The following GRM7 variants were observed in gnomAD, a reference collection of about 807,000 sequenced individuals.
GRM7 encodes glutamate metabotropic receptor 7, also known as metabotropic glutamate receptor 7.
GRM7 carries 35 observed loss-of-function variants against 84.5 expected under a neutral mutation model. That is an observed-to-expected ratio of 0.41 (90% CI 0.32 to 0.55). GRM7 has a LOEUF of 0.55. Among genes scored for constraint, GRM7 ranks in the 20% least tolerant of loss-of-function variants. The pLI, the probability that GRM7 is intolerant of heterozygous loss-of-function variation, is 0.19. For synonymous variants in GRM7, 487 were observed against 455.1 expected, an observed-to-expected ratio of 1.07 and a Z score of -0.89; for missense variants, 1,003 against 1,194.6, an observed-to-expected ratio of 0.84 and a Z score of 2.36.
intron 4 of GRM7, among the ~76,000 whole-genome samples, chr3:7,374,248 A>T (rs1425648549): frequency 3.9e-5 from 6 of 152,090 alleles, no homozygotes; most frequent in African/African-American, 1.4e-4. Flanking sequence ...ATGTACATAT[A>T]TATTTTTTAT....
At chr3:7,064,985 T>G (rs1697600888) in intron 1 of GRM7, among the ~76,000 whole-genome samples, 1 of 152,022 alleles carries the variant, frequency 6.6e-6, no homozygotes, top group Non-Finnish European at 1.5e-5. Context: ...TTTGTATATC[T>G]TCTTTTGAAA....
chr3:7,586,148 A>G (rs1474489833), intron 8 of GRM7, among the ~76,000 whole-genome samples: 7 of 152,234 alleles, frequency 4.6e-5, no homozygotes, highest in Admixed American at 3.9e-4. Flanking sequence ...TAAATTGCTC[A>G]GCATACAAAC....
At chr3:7,273,059 T>C (rs760146283) in intron 2 of GRM7, among the ~76,000 whole-genome samples, 8 of 152,142 alleles carry the variant, frequency 5.3e-5, no homozygotes, top group Non-Finnish European at 7.4e-5. Flanking sequence ...TTTTCATTTA[T>C]GTCAAAATAT....
At chr3:7,242,981 T>C (rs1697617263) in intron 2 of GRM7, among the ~76,000 whole-genome samples, 1 of 152,138 alleles carries the variant, frequency 6.6e-6, no homozygotes, top group Admixed American at 6.6e-5. Context: ...GCTTTCTCCT[T>C]TTTCAAATGA....
intron 8 of GRM7, among the ~76,000 whole-genome samples, chr3:7,641,100 T>A (rs1251526343): frequency 1.3e-5 from 2 of 152,176 alleles, no homozygotes; most frequent in Non-Finnish European, 2.9e-5. Context: ...ATTTAGTTAG[T>A]GAAAGGAAAA....
At chr3:7,552,445 G>C (rs986013436) in intron 7 of GRM7, among the ~76,000 whole-genome samples, 2 of 152,210 alleles carry the variant, frequency 1.3e-5, no homozygotes, top group African/African-American at 4.8e-5. Context: ...TGGGGACTCT[G>C]TGTGGGGGCT....
chr3:7,288,594 G>A (rs1311960666), intron 2 of GRM7, among the ~76,000 whole-genome samples: 7 of 152,040 alleles, frequency 4.6e-5, no homozygotes, highest in Admixed American at 2.0e-4. Context: ...GGCATTACGT[G>A]GCAGTGTTCA....
At chr3:7,689,391 C>T (rs1700711894) in intron 9 of GRM7, among the ~76,000 whole-genome samples, 1 of 152,158 alleles carries the variant, frequency 6.6e-6, no homozygotes, top group South Asian at 2.1e-4. Context: ...CTGGAGACCA[C>T]CTCCACTTAA....
intron 2 of GRM7, among the ~76,000 whole-genome samples, chr3:7,178,750 G>A (rs1052079792): frequency 2.0e-5 from 3 of 152,010 alleles, no homozygotes; most frequent in South Asian, 4.2e-4. Flanking sequence ...AACCAGATAA[G>A]TATGTTGGGT....
intron 1 of GRM7, among the ~76,000 whole-genome samples, chr3:7,036,840 C>T (rs1357128109): frequency 2.6e-5 from 4 of 152,054 alleles, no homozygotes; most frequent in Non-Finnish European, 5.9e-5. Context: ...AACTCAGTCA[C>T]AACTTTTGAA....
intron 1 of GRM7, among the ~76,000 whole-genome samples, chr3:7,054,089 C>T (rs1697118221): frequency 6.6e-6 from 1 of 150,616 alleles, no homozygotes; most frequent in Non-Finnish European, 1.5e-5. Flanking sequence ...TAAGTATTTT[C>T]ATTTTAATTT....
At chr3:7,283,248 C>T (rs910470715) in intron 2 of GRM7, among the ~76,000 whole-genome samples, 1 of 152,194 alleles carries the variant, frequency 6.6e-6, no homozygotes, top group South Asian at 2.1e-4. Flanking sequence ...TTAACCTCCT[C>T]GTGCTTGGGT....
intron 9 of GRM7, among the ~76,000 whole-genome samples, chr3:7,697,392 G>A (rs1018912816): frequency 2.0e-5 from 3 of 152,072 alleles, no homozygotes; most frequent in African/African-American, 7.2e-5. Flanking sequence ...CTGAAGTAAG[G>A]CTCAGAGAGG....
chr3:7,286,972 G>T (rs1699453209), intron 2 of GRM7, among the ~76,000 whole-genome samples: 2 of 152,100 alleles, frequency 1.3e-5, no homozygotes, highest in Non-Finnish European at 2.9e-5. Flanking sequence ...ATAGGACTTT[G>T]GCTTTATCAG....
At chr3:7,482,661 A>G (rs1699177164) in intron 7 of GRM7, among the ~76,000 whole-genome samples, 1 of 152,228 alleles carries the variant, frequency 6.6e-6, no homozygotes, top group African/African-American at 2.4e-5. Flanking sequence ...AAGACCCTCT[A>G]TAGCAAATGT....
Position 6,861,695 on chromosome 3 carries a change from G to A in GRM7, c.307G>A (p.Ala103Thr). 6.2e-7 allele frequency: 1 copy of A among 1,614,112 alleles called. No homozygotes were observed. Among genetic ancestry groups the A allele is most frequent in the Non-Finnish European group, 8.5e-7 (1 of 1,179,990 alleles). ...PNLLPNVTLG[A>T]RILDTCSRDT... ...CCTACTGCCCAACGTGACGCTGGGC[G>A]CGCGGATCCTGGACACTTGTTCCAG... Residue 103 changes from alanine to threonine, a missense_variant, in exon 1 of 10, where the codon GCG (alanine) becomes ACG (threonine). By Grantham distance (58) the Ala-to-Thr change is moderately conservative. Around this residue, in one of 2 missense-constraint regions of GRM7, gnomAD observed 910 missense variants for 1,126.0 expected, o/e 0.81. Coordinates refer to ENST00000357716, the MANE Select transcript of GRM7 (RefSeq NM_000844.4). The surrounding 1 kb of genome is among the most constrained non-coding windows in gnomAD (Gnocchi z 6.4).
chr3:7,216,917 T>A (rs80218765), intron 2 of GRM7, among the ~76,000 whole-genome samples: 2 of 152,208 alleles, frequency 1.3e-5, no homozygotes, highest in Non-Finnish European at 1.5e-5. Context: ...CCATCTTTAA[T>A]GTGATGGTAT....
chr3:6,893,370 A>G (rs1235063421), intron 1 of GRM7, among the ~76,000 whole-genome samples: 2 of 152,182 alleles, frequency 1.3e-5, no homozygotes, highest in Non-Finnish European at 2.9e-5. Context: ...GTATCTTGGC[A>G]TATATTGCGT....
chr3:7,169,992 C>T (rs769034457), intron 2 of GRM7, among the ~76,000 whole-genome samples: 1 of 152,126 alleles, frequency 6.6e-6, no homozygotes, highest in Non-Finnish European at 1.5e-5. Context: ...AATACAGACC[C>T]CTGGGCCTCA....
Sources: gnomAD v4.1 joint callset for allele counts (sites outside exome capture counted in the v4.1 genomes callset) on GRCh38, gnomAD v4.1.1 for gene constraint, gnomAD v4.1.1 regional missense constraint, Gnocchi (gnomAD v3.1) non-coding constraint, MANE v1.5 for transcripts, NCBI Gene and HGNC (gene_info 2026-07-23, HGNC 2026-07-21) for gene names.